The following AKAP19 variants were observed in gnomAD, a reference collection of about 807,000 sequenced individuals.
The protein encoded by AKAP19 is small A-kinase anchoring protein.
chr2:190,053,870 A>G, the AKAP19 span, among the ~76,000 whole-genome samples: 1 of 152,180 alleles, frequency 6.6e-6, no homozygotes, highest in Non-Finnish European at 1.5e-5. Context: ...CAATATTAAC[A>G]CATAGAATTT....
the AKAP19 span, among the ~76,000 whole-genome samples, chr2:190,159,824 A>G: frequency 2.3e-4 from 35 of 152,348 alleles, no homozygotes; most frequent in East Asian, 6.6e-3. Context: ...ATCCATTCTT[A>G]AGAGCCATTG....
the AKAP19 span, among the ~76,000 whole-genome samples, chr2:190,102,696 A>T: frequency 2.6e-5 from 4 of 152,014 alleles, no homozygotes; most frequent in South Asian, 8.3e-4. Context: ...GTAATAATAA[A>T]AAAAAAGACC....
the AKAP19 span, chr2:190,056,180 C>T: frequency 5.2e-5 from 8 of 152,434 alleles, no homozygotes; most frequent in African/African-American, 1.9e-4. Flanking sequence ...TAAGTAGTTG[C>T]TTTTCTGTGA....
chr2:190,075,543 TG>T, the AKAP19 span, among the ~76,000 whole-genome samples: 102 of 152,320 alleles, frequency 6.7e-4, 2 homozygotes, highest in East Asian at 0.019. Context: ...AGGATTGTTA[TG>T]TTTTCATGAT....
the AKAP19 span, among the ~76,000 whole-genome samples, chr2:189,977,095 G>C: frequency 1.3e-5 from 2 of 152,166 alleles, no homozygotes; most frequent in African/African-American, 2.4e-5. Flanking sequence ...GACTGAAGCT[G>C]TTCCTATTTG....
the AKAP19 span, among the ~76,000 whole-genome samples, chr2:189,976,765 A>T: frequency 2.0e-5 from 3 of 152,140 alleles, no homozygotes; most frequent in Non-Finnish European, 4.4e-5. Flanking sequence ...TGGGCTTCGG[A>T]CACTCTGAGC....
the AKAP19 span, among the ~76,000 whole-genome samples, chr2:190,117,439 A>G: frequency 6.6e-6 from 1 of 152,214 alleles, no homozygotes; most frequent in African/African-American, 2.4e-5. Context: ...AGGAAAAAAA[A>G]AGGTAAGTAG....
the AKAP19 span, among the ~76,000 whole-genome samples, chr2:189,961,671 G>C: frequency 2.6e-5 from 4 of 152,188 alleles, no homozygotes; most frequent in Non-Finnish European, 4.4e-5. Flanking sequence ...CCAGCACTTT[G>C]GGAGGCTGAG....
At chr2:189,880,015 A>G in the AKAP19 span, among the ~76,000 whole-genome samples, 1 of 152,200 alleles carries the variant, frequency 6.6e-6, no homozygotes, top group Non-Finnish European at 1.5e-5. Context: ...TAACTTATCG[A>G]AAAATGTTAG....
the AKAP19 span, among the ~76,000 whole-genome samples, chr2:189,889,089 A>G: frequency 6.6e-6 from 1 of 152,016 alleles, no homozygotes; most frequent in Non-Finnish European, 1.5e-5. Flanking sequence ...AATAGCTCTT[A>G]TTATTTTGAG....
chr2:190,127,802 C>T, the AKAP19 span, among the ~76,000 whole-genome samples: 1 of 152,040 alleles, frequency 6.6e-6, no homozygotes, highest in African/African-American at 2.4e-5. Context: ...CCCAGATGGC[C>T]TTAAACAGTG....
At chr2:189,977,267 G>A in the AKAP19 span, among the ~76,000 whole-genome samples, 1 of 152,220 alleles carries the variant, frequency 6.6e-6, no homozygotes, top group African/African-American at 2.4e-5. Context: ...GTCAGTCACT[G>A]TGCTGAATAT....
the AKAP19 span, among the ~76,000 whole-genome samples, chr2:189,958,129 G>A: frequency 4.6e-5 from 7 of 152,116 alleles, no homozygotes; most frequent in Non-Finnish European, 8.8e-5. Flanking sequence ...TATTTGCTAC[G>A]TATAATTGAC....
chr2:190,051,043 A>G, the AKAP19 span, among the ~76,000 whole-genome samples: 1 of 152,210 alleles, frequency 6.6e-6, no homozygotes, highest in Non-Finnish European at 1.5e-5. Flanking sequence ...AAAGCTGGTC[A>G]ATTTTGTAAG....
the AKAP19 span, among the ~76,000 whole-genome samples, chr2:189,943,319 T>C: frequency 6.6e-6 from 1 of 152,240 alleles, no homozygotes; most frequent in Non-Finnish European, 1.5e-5. Context: ...CTCAGGGTGC[T>C]ACTTCAGAGT....
the AKAP19 span, chr2:189,930,454 G>A: frequency 2.8e-5 from 6 of 212,152 alleles, no homozygotes; most frequent in East Asian, 2.9e-4. Flanking sequence ...CGAGATGGGC[G>A]AATCACGAGG....
chr2:190,038,940 CTTCTTCT>C, the AKAP19 span, among the ~76,000 whole-genome samples: 2 of 143,446 alleles, frequency 1.4e-5, no homozygotes, highest in African/African-American at 5.5e-5. Context: ...TCTTCTTCTT[CTTCTTCT>C]TCTTCTTCTT....
the AKAP19 span, among the ~76,000 whole-genome samples, chr2:190,126,323 A>AAAAAAAAAAAAAAAAAAAAAAAAAT: frequency 7.1e-6 from 1 of 141,670 alleles, no homozygotes; most frequent in Non-Finnish European, 1.5e-5. Flanking sequence ...AAAAAAAAAA[A>AAAAAAAAAAAAAAAAAAAAAAAAAT]AGGTGTATAT....
chr2:189,920,110 C>T, the AKAP19 span, among the ~76,000 whole-genome samples: 1 of 152,240 alleles, frequency 6.6e-6, no homozygotes, highest in Non-Finnish European at 1.5e-5. Flanking sequence ...CATTGCTGGT[C>T]AACCATATAT....
Sources: gnomAD v4.1 joint callset for allele counts (sites outside exome capture counted in the v4.1 genomes callset) on GRCh38, gnomAD v4.1.1 for gene constraint, MANE v1.5 for transcripts, NCBI Gene and HGNC (gene_info 2026-07-23, HGNC 2026-07-21) for gene names.